COL27A1: variants seen among roughly 807,000 people sequenced by gnomAD.
COL27A1 encodes the protein collagen alpha-1(XXVII) chain.
COL27A1 carries 106 observed loss-of-function variants against 251.3 expected under a neutral mutation model. The ratio of observed to expected loss-of-function variants is 0.42; its 90% CI spans 0.36 to 0.50. COL27A1 has a LOEUF of 0.50. Among genes scored for constraint, COL27A1 ranks in the 20% least tolerant of loss-of-function variants. The pLI is 0.00. For synonymous variants in COL27A1, 1,000 were observed against 986.3 expected (o/e 1.01, Z -0.26); for missense variants, 2,325 against 2,522.8 (o/e 0.92, Z 1.68).
At position 114,223,208 on chromosome 9, in the gene COL27A1, C is replaced by T. The variant is rs149740687; in HGVS notation, c.2466+941C>T. 3.9e-3 allele frequency among the ~76,000 whole-genome samples: 596 copies of T among 152,308 alleles called. 5 individuals carry two copies. Among genetic ancestry groups the T allele is most frequent in the African/African-American group, 0.014 (581 of 41,560 alleles). ...TGTCCCCATAATCTGATGCCCCCTC[C>T]GCCCTGTCCATTGGGTCATTCCTCA... is the stretch of plus-strand genomic sequence containing the variant. On this transcript the variant is annotated intron_variant, in intron 14 of 60. Coordinates refer to ENST00000356083, the MANE Select transcript of COL27A1 (RefSeq NM_032888.4).
intron 49 of COL27A1, among the ~76,000 whole-genome samples, chr9:114,294,012 G>A (rs1218364352): frequency 6.6e-6 from 1 of 151,818 alleles, no homozygotes; most frequent in Non-Finnish European, 1.5e-5. Flanking sequence ...GCCGAGGTGG[G>A]TGGATCACGA....
At position 114,308,926 on chromosome 9, in the gene COL27A1, C is replaced by T. The variant is rs532807400; in HGVS notation, c.5218-334C>T. Among the ~76,000 whole-genome samples the T allele has an allele frequency of 2.0e-5, 3 of 152,288 alleles. No individual in the cohort carries two copies. The East Asian group carries it at 5.8e-4, about 30-fold the overall frequency. Reference sequence around the variant, plus strand: ...ATTCCATGAGCCTCTTAGTCTTGGGCAAAACCCTCTCCCTCGCTGAGCTCC... The same window carrying T: ...ATTCCATGAGCCTCTTAGTCTTGGGTAAAACCCTCTCCCTCGCTGAGCTCC... On this transcript the variant is annotated intron_variant, in intron 59 of 60. Coordinates refer to ENST00000356083, the MANE Select transcript of COL27A1 (RefSeq NM_032888.4).
At chr9:114,301,793 G>T in intron 55 of COL27A1, 76 bp downstream of exon 55, 1 of 1,428,174 alleles carries the variant, frequency 7.0e-7, no homozygotes. Flanking sequence ...TTCACCGGCA[G>T]ACTAAGCCTT....
chr9:114,180,132 G>A (rs915219243), intron 4 of COL27A1, among the ~76,000 whole-genome samples: 2 of 151,268 alleles, frequency 1.3e-5, no homozygotes, highest in African/African-American at 2.4e-5. Flanking sequence ...GAGCCACTGC[G>A]CCTAGCCCAG....
intron 16 of COL27A1, 123 bp from the exon 17 acceptor site, chr9:114,235,476 G>T (rs969719929): frequency 3.8e-6 from 3 of 797,248 alleles, no homozygotes; most frequent in African/African-American, 1.7e-5. Context: ...CAAGGCTGCT[G>T]CTGGCCGGAT....
chr9:114,159,989 G>C (rs553414850), intron 1 of COL27A1, among the ~76,000 whole-genome samples: 1 of 152,168 alleles, frequency 6.6e-6, no homozygotes, highest in African/African-American at 2.4e-5. Flanking sequence ...ACCTTTAGTC[G>C]TTGCCCATGG....
chr9:114,227,424 C>T (rs917803855), intron 14 of COL27A1, among the ~76,000 whole-genome samples: 1 of 151,610 alleles, frequency 6.6e-6, no homozygotes, highest in Non-Finnish European at 1.5e-5. Context: ...CTGCCTCTGC[C>T]CCCTGTTTAT....
chr9:114,205,134 C>G lies in COL27A1; in HGVS notation c.2157C>G (p.His719Gln). The G allele has an allele frequency of 6.2e-7, 1 of 1,613,436 alleles. No individual in the cohort carries two copies. The highest frequency in any genetic ancestry group is 8.5e-7 in the Non-Finnish European group (1 of 1,179,966). ...GHKGYPGPAGHPGEQGQPGPE... is the reference protein window; with the variant it reads ...GHKGYPGPAGQPGEQGQPGPE... ...AGGGCTATCCTGGACCGGCAGGGCA[C>G]CCCGGAGAACAGGTGAGGGCCTCAG... The change falls in exon 8 of 61, where the codon CAC becomes CAG. Residue 719 changes from histidine to glutamine, a missense_variant. By Grantham distance (24) the His-to-Gln change is conservative. Around this residue, in one of 4 missense-constraint regions of COL27A1, gnomAD observed 1,183 missense variants for 1,144.1 expected, o/e 1.03. Transcript: ENST00000356083.
At position 114,267,567 on chromosome 9, in the gene COL27A1, G is replaced by A. The variant is rs2135609916; in HGVS notation, c.3501+10G>A. The A allele has an allele frequency of 4.4e-6, 7 of 1,595,136 alleles. No individual in the cohort carries two copies. Among genetic ancestry groups the A allele is most frequent in the Admixed American group, 1.8e-5 (1 of 56,164 alleles). On this transcript the variant is annotated intron_variant, in intron 34 of 60. Transcript: ENST00000356083. ...GGAAGCCGGGATGAAGGTGAGGTGG[G>A]ATGAAAGAAGAGAAAAATGACTTGT...
At chr9:114,164,361 C>T (rs1268920246) in intron 2 of COL27A1, among the ~76,000 whole-genome samples, 1 of 152,228 alleles carries the variant, frequency 6.6e-6, no homozygotes, top group Non-Finnish European at 1.5e-5. Context: ...TCACAGTGGT[C>T]TGACTCATAG....
chr9:114,290,664 C>T lies in COL27A1; in HGVS notation c.4369-146C>T, dbSNP rs1827852798. The T allele has an allele frequency of 3.1e-6, 2 of 649,700 alleles. No individual in the cohort carries two copies. 40.2% of individuals were successfully genotyped at this position (649,700 alleles called of 1,614,324 possible). A position where few individuals can be genotyped will look rare whatever the true frequency, so the allele number is the denominator to read the frequency against. ...TCCTCCTGTCCTCCTGGTCCAGCCA[C>T]ATCACACACAGGCCGTCTGACCTCC... On this transcript the variant is annotated intron_variant, in intron 47 of 60. Coordinates refer to ENST00000356083, the MANE Select transcript of COL27A1 (RefSeq NM_032888.4). This position sits in a 1 kb window ranked among gnomAD's most constrained non-coding sequence, Gnocchi z 4.6.
intron 11 of COL27A1, among the ~76,000 whole-genome samples, chr9:114,210,543 T>C (rs1033737895): frequency 6.6e-6 from 1 of 152,074 alleles, no homozygotes; most frequent in African/African-American, 2.4e-5. Flanking sequence ...AGACCAAGTA[T>C]CTAAGTCAGA....
At chr9:114,287,017 G>A (rs1827543705) in intron 41 of COL27A1, among the ~76,000 whole-genome samples, 1 of 152,182 alleles carries the variant, frequency 6.6e-6, no homozygotes, top group Non-Finnish European at 1.5e-5. Context: ...AAGTCCAGCT[G>A]CCTCTATCCA....
chr9:114,180,835 CG>C (rs571939233), intron 4 of COL27A1, among the ~76,000 whole-genome samples: 3 of 151,868 alleles, frequency 2.0e-5, no homozygotes, highest in Non-Finnish European at 2.9e-5. Context: ...GGGTTGGGGA[CG>C]GGGGGGCAGG....
Position 114,168,051 on chromosome 9 carries a change from C to A in COL27A1, c.496C>A (p.Arg166Ser), listed in dbSNP as rs748820491. 3 of 1,607,560 alleles carry A rather than the reference C, an allele frequency of 1.9e-6. No individual in the cohort carries two copies. Among genetic ancestry groups the A allele is most frequent in the Admixed American group, 3.3e-5 (2 of 59,974 alleles). Residue 166 changes from arginine to serine, a missense_variant, in exon 3 of 61, where the codon CGC becomes AGC. Around this residue, in one of 4 missense-constraint regions of COL27A1, gnomAD observed 1,183 missense variants for 1,144.1 expected, o/e 1.03. Coordinates refer to ENST00000356083, the MANE Select transcript of COL27A1 (RefSeq NM_032888.4). Reference protein sequence around the residue: ...WHHLALELRGRTVTLVTACGQ... With the variant: ...WHHLALELRGSTVTLVTACGQ... ...CCACCTGGCCCTCGAGCTCCGAGGC[C>A]GCACAGTCACTCTGGTGACTGCCTG...
chr9:114,190,972 A>G (rs1198913865), intron 5 of COL27A1, among the ~76,000 whole-genome samples: 3 of 152,246 alleles, frequency 2.0e-5, no homozygotes, highest in African/African-American at 7.2e-5. Context: ...CTGGGAAGAC[A>G]TATAGTGTGC....
intron 49 of COL27A1, 114 bp from the exon 50 acceptor site, chr9:114,299,956 C>G: frequency 1.1e-6 from 1 of 951,360 alleles, no homozygotes; most frequent in Non-Finnish European, 1.7e-6. Context: ...AGAGGAGTCA[C>G]TGATATCCCT....
chr9:114,256,654 T>C (rs1256510364), intron 27 of COL27A1, among the ~76,000 whole-genome samples: 2 of 152,136 alleles, frequency 1.3e-5, no homozygotes, highest in African/African-American at 4.8e-5. Flanking sequence ...CAGCTACCTT[T>C]TCCTGAGGAC....
chr9:114,295,616 C>G (rs1323164668), intron 49 of COL27A1, among the ~76,000 whole-genome samples: 1 of 152,120 alleles, frequency 6.6e-6, no homozygotes, highest in South Asian at 2.1e-4. Flanking sequence ...AATGAAAGGT[C>G]CAGACATATA....
Sources: allele counts gnomAD v4.1 joint callset (sites outside exome capture counted in the v4.1 genomes callset), GRCh38; gene constraint gnomAD v4.1.1; regional missense constraint gnomAD v4.1.1; non-coding constraint Gnocchi (gnomAD v3.1); transcripts MANE v1.5; gene names NCBI Gene and HGNC (gene_info 2026-07-23, HGNC 2026-07-21).